GK5: variants seen among roughly 807,000 people sequenced by gnomAD.
The protein encoded by GK5 is glycerol kinase 5.
GK5 carries 39 observed loss-of-function variants against 77.3 expected under a neutral mutation model. That is an observed-to-expected ratio of 0.50 (90% CI 0.39 to 0.66). The LOEUF (loss-of-function observed/expected upper bound fraction) is 0.66, where lower values mean the gene tolerates loss of function less well. Among genes scored for constraint, GK5 ranks in the 30% least tolerant of loss-of-function variants. The probability of loss-of-function intolerance (pLI) is 0.00; values close to 1 mark genes in which losing one functional copy is unlikely to be tolerated. For synonymous variants in GK5, 211 were observed against 208.0 expected, an observed-to-expected ratio of 1.01 and a Z score of -0.13; for missense variants, 487 against 633.8, an observed-to-expected ratio of 0.77 and a Z score of 2.49.
At chr3:142,186,135 G>A (rs6440065) in intron 8 of GK5, 59 bp downstream of exon 8, 514,031 of 1,257,334 alleles carry the variant, frequency 0.41, 112,629 homozygotes, top group African/African-American at 0.82. Flanking sequence ...TTTTCCCCAC[G>A]AAACAAAATG....
At chr3:142,201,673 G>A (rs1266544431) in intron 4 of GK5, among the ~76,000 whole-genome samples, 1 of 152,014 alleles carries the variant, frequency 6.6e-6, no homozygotes, top group Non-Finnish European at 1.5e-5. Flanking sequence ...CAAATATAAA[G>A]TAAAACTGGG....
chr3:142,219,967 A>G (rs1334165433), intron 1 of GK5, among the ~76,000 whole-genome samples: 1 of 152,142 alleles, frequency 6.6e-6, no homozygotes, highest in Non-Finnish European at 1.5e-5. Context: ...AGACTGTCTC[A>G]ATCAATCAAT....
chr3:142,206,354 G>A (rs7616491), intron 3 of GK5, among the ~76,000 whole-genome samples: 6,420 of 152,138 alleles, frequency 0.042, 454 homozygotes, highest in African/African-American at 0.15. Flanking sequence ...TTCCGCAGTC[G>A]TTGCACCATT....
intron 4 of GK5, 39 bp from the exon 5 acceptor site, chr3:142,198,972 G>A (rs2063977104): frequency 1.3e-6 from 2 of 1,493,494 alleles, no homozygotes; most frequent in Non-Finnish European, 9.1e-7. Flanking sequence ...AATGCATTTA[G>A]TAGTGTTTAA....
intron 2 of GK5, 34 bp downstream of exon 2, chr3:142,215,565 T>C (rs1349233200): frequency 4.4e-6 from 5 of 1,142,874 alleles, no homozygotes; most frequent in Non-Finnish European, 6.3e-6. Flanking sequence ...AAAAAAACCA[T>C]AAAGATTATT....
At chr3:142,197,551 G>A (rs2063952295) in intron 5 of GK5, among the ~76,000 whole-genome samples, 1 of 152,004 alleles carries the variant, frequency 6.6e-6, no homozygotes, top group African/African-American at 2.4e-5. Context: ...GTTAGATCTT[G>A]TTTTTTTATC....
intron 1 of GK5, among the ~76,000 whole-genome samples, chr3:142,218,224 A>G (rs372377760): frequency 6.7e-6 from 1 of 149,084 alleles, no homozygotes; most frequent in East Asian, 2.0e-4. Context: ...TTGGACATCC[A>G]TATGCAAAAA....
rs564979043 is a variant in GK5, at chr3:142,218,223, C to G, written c.148-2531G>C. 1.3e-4 allele frequency among the ~76,000 whole-genome samples: 18 copies of G among 141,830 alleles called. No individual in the cohort carries two copies. In the South Asian group the frequency reaches 3.6e-3, roughly 28 times the overall value. 93.0% of individuals were successfully genotyped at this position (141,830 alleles called of 152,430 possible). On this transcript the variant is annotated intron_variant, in intron 1 of 15. Coordinates refer to ENST00000392993, the MANE Select transcript of GK5 (RefSeq NM_001039547.3). Reference sequence around the variant, plus strand: ...AATGGTGGTGTAACAATTGGACATCCATATGCAAAAAAAAAAAAAAAAAAT... The same window carrying G: ...AATGGTGGTGTAACAATTGGACATCGATATGCAAAAAAAAAAAAAAAAAAT...
At chr3:142,177,857 C>CTTTTTTTTTTT (rs370889965) in intron 11 of GK5, among the ~76,000 whole-genome samples, 1 of 128,194 alleles carries the variant, frequency 7.8e-6, no homozygotes. Flanking sequence ...CGTTTTTTTT[C>CTTTTTTTTTTT]TTTTTTTTTT....
intron 5 of GK5, among the ~76,000 whole-genome samples, chr3:142,195,514 T>C (rs2063921911): frequency 6.6e-6 from 1 of 152,104 alleles, no homozygotes; most frequent in Admixed American, 6.5e-5. Context: ...CAGCTAATTT[T>C]TTAATTTTTA....
intron 9 of GK5, chr3:142,185,412 CAAA>C (rs58554339): frequency 0.011 from 7,857 of 718,678 alleles, no homozygotes; most frequent in Middle Eastern, 0.015. Context: ...GACCCTGTCT[CAAA>C]AAAAAAAAAA....
At chr3:142,169,780 C>T (rs1464436425) in intron 15 of GK5, among the ~76,000 whole-genome samples, 1 of 149,596 alleles carries the variant, frequency 6.7e-6, no homozygotes, top group African/African-American at 2.5e-5. Flanking sequence ...TCAAGCAATT[C>T]TCCTGTCTCA....
At chr3:142,195,624 T>C (rs2063923731) in intron 5 of GK5, among the ~76,000 whole-genome samples, 1 of 152,232 alleles carries the variant, frequency 6.6e-6, no homozygotes, top group South Asian at 2.1e-4. Flanking sequence ...AGTGCTGGGA[T>C]TACAGGCATG....
chr3:142,172,024 C>T (rs949756655), intron 13 of GK5, among the ~76,000 whole-genome samples: 3 of 152,038 alleles, frequency 2.0e-5, no homozygotes, highest in Non-Finnish European at 4.4e-5. Flanking sequence ...AGCATTATTA[C>T]TTGGAATTAT....
intron 15 of GK5, among the ~76,000 whole-genome samples, chr3:142,168,816 T>C (rs986181054): frequency 1.4e-5 from 2 of 138,704 alleles, no homozygotes; most frequent in African/African-American, 5.4e-5. Flanking sequence ...TCACCACAAC[T>C]ACACCTCTAT....
At chr3:142,171,538 T>A in intron 13 of GK5, 60 bp from the exon 14 acceptor site, 1 of 1,102,508 alleles carries the variant, frequency 9.1e-7, no homozygotes, top group Non-Finnish European at 1.2e-6. Flanking sequence ...TTCACTACTT[T>A]ATTCTGATCT....
At chr3:142,224,925 C>T (rs565728581) in intron 1 of GK5, among the ~76,000 whole-genome samples, 107 of 152,318 alleles carry the variant, frequency 7.0e-4, no homozygotes, top group African/African-American at 2.4e-3. Flanking sequence ...GCAGGAAGAA[C>T]CAAGCAACTC....
At chr3:142,198,193 A>G (rs2063963775) in intron 5 of GK5, among the ~76,000 whole-genome samples, 1 of 152,244 alleles carries the variant, frequency 6.6e-6, no homozygotes, top group Non-Finnish European at 1.5e-5. Context: ...ACTATGGTAA[A>G]ATCATACATT....
At chr3:142,202,028 G>A (rs545310595) in intron 4 of GK5, among the ~76,000 whole-genome samples, 66 of 152,240 alleles carry the variant, frequency 4.3e-4, no homozygotes, top group African/African-American at 1.5e-3. Context: ...ATCCAGCCAC[G>A]ATGGCAGAGA....
Sources: gnomAD v4.1 joint callset for allele counts (sites outside exome capture counted in the v4.1 genomes callset) on GRCh38, gnomAD v4.1.1 for gene constraint, MANE v1.5 for transcripts, NCBI Gene and HGNC (gene_info 2026-07-23, HGNC 2026-07-21) for gene names.